Variants in MUC17 observed in about 807,000 individuals in gnomAD.
MUC17 encodes the protein mucin 17, cell surface associated.
Under a neutral mutation model 170.3 loss-of-function variants are expected in MUC17, and 190 were observed. The ratio of observed to expected loss-of-function variants is 1.12; its 90% CI spans 0.99 to 1.26. The LOEUF (loss-of-function observed/expected upper bound fraction) is 1.26. Ranked by LOEUF, MUC17 falls within the 50% of genes most tolerant of loss-of-function variation. The probability of loss-of-function intolerance (pLI) is 0.00; values close to 1 mark genes in which losing one functional copy is unlikely to be tolerated. For missense variants in MUC17, 6,415 were observed against 5,530.0 expected, an observed-to-expected ratio of 1.16 and a Z score of -5.08; for synonymous variants, 2,325 against 2,002.5, an observed-to-expected ratio of 1.16 and a Z score of -4.30.
chr7:101,042,266 C>T lies in MUC17; in HGVS notation c.10850C>T (p.Pro3617Leu), dbSNP rs576550743. The T allele has an allele frequency of 3.1e-6, 5 of 1,614,078 alleles. No individual in the cohort carries two copies. In the South Asian group the frequency reaches 4.4e-5, roughly 14 times the overall value. Reference protein sequence around the residue: ...VTTSTQSNSTPTPPEVITLPM... With the variant: ...VTTSTQSNSTLTPPEVITLPM... ...ACTTCTACTCAGAGCAATTCTACTC[C>T]TACACCTCCTGAAGTTATCACCCTG... The change falls in exon 3 of 13, where the codon CCT becomes CTT. Residue 3617 changes from proline to leucine, a missense_variant. Transcript: ENST00000306151.
rs373676381 is a variant in MUC17 at position 101,033,850 on chromosome 7, C to A, written c.2434C>A (p.Pro812Thr). 31 of 1,613,516 alleles carry A rather than the reference C, an allele frequency of 1.9e-5. No homozygotes were observed. In the Middle Eastern group the frequency reaches 1.3e-3, roughly 68 times the overall value. Residue 812 changes from proline (P) to threonine (T), a missense_variant, in exon 3 of 13, where the codon CCT becomes ACT. Pro to Thr is a conservative substitution (Grantham distance 38, BLOSUM62 -1). Coordinates refer to ENST00000306151, the MANE Select transcript of MUC17 (RefSeq NM_001040105.2). ...SEGSPLLTSI[P>T]VSITPVTSPE... ...AGGAAGTCCTTTATTAACAAGTATA[C>A]CTGTCAGCATCACACCGGTGACCAG...
Position 101,042,231 on chromosome 7 carries a change from A to G in MUC17, c.10815A>G (p.Thr3605=). 2 of 1,614,122 alleles carry G rather than the reference A, an allele frequency of 1.2e-6. No individual in the cohort carries two copies. Among genetic ancestry groups the G allele is most frequent in the Non-Finnish European group, 8.5e-7 (1 of 1,180,006 alleles). The change falls in exon 3 of 13, where the codon ACA becomes ACG. Residue 3605 remains threonine, a synonymous_variant. Transcript: ENST00000306151. ...TPSTPSVDRS[T]PVTTSTQSNS... ...CCACTCCTTCTGTTGACAGAAGCAC[A>G]CCTGTGACCACTTCTACTCAGAGCA...
Position 101,035,341 on chromosome 7 carries a change from G to A in MUC17, c.3925G>A (p.Val1309Met), listed in dbSNP as rs77299546. The A allele has an allele frequency of 0.072, 103,523 of 1,445,922 alleles. No individual in the cohort carries two copies. The highest frequency in any genetic ancestry group is 0.22 in the African/African-American group (14,296 of 65,262). The allele number at this position is 1,445,922 out of a possible 1,614,324, so 89.6% of individuals were successfully genotyped here. A position where few individuals can be genotyped will look rare whatever the true frequency, so the allele number is the denominator to read the frequency against. ...AACTCCTGTTGACACTAAAGGTCCT[G>A]TGGTCACTTCTAATGAAGTCAGTTC... ...LTTPVDTKGP[V>M]VTSNEVSSSP... Residue 1309 changes from valine (V) to methionine (M), a missense_variant, in exon 3 of 13, where the codon GTG becomes ATG. By Grantham distance (21) the Val-to-Met change is conservative. Transcript: ENST00000306151.
rs776056763 is a variant in MUC17, at chr7:101,048,971, A to AG, written c.12663+1dup. 1.2e-5 allele frequency: 20 copies of AG among 1,614,170 alleles called. No individual in the cohort carries two copies. Among genetic ancestry groups the AG allele is most frequent in the Non-Finnish European group, 1.7e-6 (2 of 1,180,000 alleles). On this transcript the variant is annotated frameshift_variant and splice_region_variant, in exon 5 of 13. Transcript: ENST00000306151. LOFTEE classifies it high-confidence loss of function. ...GAGTTCAAACAGACATTCACGGAAC[A>AG]GGTAAGTCTGGGAGAGCAAGGCCCC...
chr7:101,053,935 C>T (rs1795003045), intron 11 of MUC17, among the ~76,000 whole-genome samples: 1 of 150,608 alleles, frequency 6.6e-6, no homozygotes, highest in Admixed American at 6.6e-5. Context: ...TGGCATGCAC[C>T]TGAAGTCCCA....
rs374588011 is a variant in MUC17, at chr7:101,058,087, G to T, written c.*43G>T. 1 of 1,584,204 alleles carries T rather than the reference G, an allele frequency of 6.3e-7. No individual in the cohort carries two copies. Among genetic ancestry groups the T allele is most frequent in the Non-Finnish European group, 8.7e-7 (1 of 1,154,042 alleles). ...TCTGGGAGTGAGGAGATCCCAGTCC[G>T]GCTAAGCTTGGTGGAGCATTTTCCC... On this transcript the variant is annotated 3_prime_UTR_variant, in exon 13 of 13. Coordinates refer to ENST00000306151, the MANE Select transcript of MUC17 (RefSeq NM_001040105.2).
rs1167702169 is a variant in MUC17 at position 101,042,909 on chromosome 7, G to T, written c.11493G>T (p.Glu3831Asp). The change falls in exon 3 of 13, where the codon GAG becomes GAT. Residue 3831 changes from glutamate (E) to aspartate (D), a missense_variant. Glu to Asp is a conservative substitution (Grantham distance 45). Coordinates refer to ENST00000306151, the MANE Select transcript of MUC17 (RefSeq NM_001040105.2). ...CTATATCTGTGATGAGTCCTTCTGAGGCCAGCACACTTTCAACACCTCCTG... is the reference window on the plus strand; with the variant it reads ...CTATATCTGTGATGAGTCCTTCTGATGCCAGCACACTTTCAACACCTCCTG... ...ISPISVMSPS[E>D]ASTLSTPPGD... 1 of 1,613,884 alleles carries T rather than the reference G, an allele frequency of 6.2e-7. No individual in the cohort carries two copies. Among genetic ancestry groups the T allele is most frequent in the East Asian group, 2.2e-5 (1 of 44,886 alleles).
rs191247945 is a variant in MUC17 at position 101,049,499 on chromosome 7, A to T, written c.12722+117A>T. On this transcript the variant is annotated intron_variant, in intron 6 of 12. Coordinates refer to ENST00000306151, the MANE Select transcript of MUC17 (RefSeq NM_001040105.2). Reference sequence around the variant, plus strand: ...TGTGCCCAGGCAGCTATTGCAGAATACCACCGATGGGGCGGCTTAAACAAC... The same window carrying T: ...TGTGCCCAGGCAGCTATTGCAGAATTCCACCGATGGGGCGGCTTAAACAAC... 4 of 1,363,452 alleles carry T rather than the reference A, an allele frequency of 2.9e-6. No individual in the cohort carries two copies. The African/African-American group carries it at 5.9e-5, about 20-fold the overall frequency. 84.5% of individuals were successfully genotyped at this position (1,363,452 alleles called of 1,614,324 possible).
In MUC17 at chr7:101,058,556, C is replaced by T. The variant is rs566312621; in HGVS notation, c.*512C>T. 1 of 152,790 alleles carries T rather than the reference C, an allele frequency of 6.5e-6. No homozygotes were observed. Among genetic ancestry groups the T allele is most frequent in the African/African-American group, 2.4e-5 (1 of 41,572 alleles). The allele number at this position is 152,790 out of a possible 1,614,324, so 9.5% of individuals were successfully genotyped here. A position where few individuals can be genotyped will look rare whatever the true frequency, so the allele number is the denominator to read the frequency against. ...CTTCCAAACAAGCTCAGAGATGTTC[C>T]TCCCCTCATCTGCCCGGGTTCAGTA... On this transcript the variant is annotated 3_prime_UTR_variant, in exon 13 of 13. Transcript: ENST00000306151.
Position 101,026,742 on chromosome 7 carries a change from G to A in MUC17, c.83-4378G>A, listed in dbSNP as rs114097524. 4.3e-3 allele frequency among the ~76,000 whole-genome samples: 658 copies of A among 152,124 alleles called. 5 individuals are homozygous for A. The highest frequency in any genetic ancestry group is 0.015 in the African/African-American group (632 of 41,482). Reference sequence around the variant, plus strand: ...TGGGACTAGAGGTAAGCACCACCACGCCCGATTAATTGTTTTTTAGTAGAG... The same window carrying A: ...TGGGACTAGAGGTAAGCACCACCACACCCGATTAATTGTTTTTTAGTAGAG... On this transcript the variant is annotated intron_variant, in intron 1 of 12. Transcript: ENST00000306151.
At chr7:101,028,152 CACGATCTTGGCTCACTGCA>C in intron 1 of MUC17, among the ~76,000 whole-genome samples, 1 of 147,488 alleles carries the variant, frequency 6.8e-6, no homozygotes, top group East Asian at 2.0e-4. Flanking sequence ...AGTGCAGTGG[CACGATCTTGGCTCACTGCA>C]ACCTCTGCCT....
At position 101,020,103 on chromosome 7, in the gene MUC17, G is replaced by T; in HGVS notation, c.-33G>T. On this transcript the variant is annotated 5_prime_UTR_variant, in exon 1 of 13. Coordinates refer to ENST00000306151, the MANE Select transcript of MUC17 (RefSeq NM_001040105.2). ...GCTCATTTCGCCAGCTCCTCTGGGG[G>T]TGACAGGCAAGTGAGACGTGCTCAG... 1 of 1,557,318 alleles carries T rather than the reference G, an allele frequency of 6.4e-7. No individual in the cohort carries two copies. The highest frequency in any genetic ancestry group is 8.7e-7 in the Non-Finnish European group (1 of 1,149,092).
rs750932564 is a variant in MUC17, at chr7:101,036,641, C to G, written c.5225C>G (p.Ser1742Ter). 1.9e-6 allele frequency: 3 copies of G among 1,613,200 alleles called. No individual in the cohort carries two copies. The highest frequency in any genetic ancestry group is 2.5e-6 in the Non-Finnish European group (3 of 1,179,736). ...TTSEGTSMPN[S>*]TPSEGTTPLT... ...TCTGAAGGTACCAGCATGCCAAACT[C>G]AACTCCTAGTGAAGGAACCACTCCA... Residue 1742 changes from serine to a stop codon, truncating the protein, a stop_gained, in exon 3 of 13, where the codon TCA (serine) becomes TGA (stop). Transcript: ENST00000306151. LOFTEE classifies it high-confidence loss of function.
At chr7:101,026,336 A>G (rs1794178606) in intron 1 of MUC17, among the ~76,000 whole-genome samples, 1 of 152,204 alleles carries the variant, frequency 6.6e-6, no homozygotes, top group Non-Finnish European at 1.5e-5. Context: ...GCTTTGCCAT[A>G]AGGAGGGCTG....
chr7:101,044,054 T>C (rs770768231), intron 3 of MUC17, among the ~76,000 whole-genome samples: 42 of 152,274 alleles, frequency 2.8e-4, no homozygotes, highest in South Asian at 1.5e-3. Flanking sequence ...AGTGTTCTCA[T>C]TGTTCAGTTC....
chr7:101,030,971 A>T (rs183472916), intron 1 of MUC17, 149 bp from the exon 2 acceptor site: 2 of 913,196 alleles, frequency 2.2e-6, no homozygotes, highest in East Asian at 5.7e-5. Flanking sequence ...TTTCTGGGGC[A>T]GGGTCCTGAT....
At position 101,043,642 on chromosome 7, in the gene MUC17, A is replaced by G. The variant is rs74791803; in HGVS notation, c.12226A>G (p.Thr4076Ala). 3.1e-6 allele frequency: 5 copies of G among 1,613,918 alleles called. No homozygotes were observed. In the East Asian group the frequency reaches 1.1e-4, roughly 36 times the overall value. The part of the protein sequence containing the change: ...FPPAHSSTPP[T>A]TSASSTTVNP... ...TCCTGCTCACTCCAGTACACCTCCA[A>G]CAACCTCTGCCTCCTCCACGACTGT... The change falls in exon 3 of 13, where the codon ACA becomes GCA. Residue 4076 changes from threonine to alanine, a missense_variant. By Grantham distance (58) the Thr-to-Ala change is moderately conservative. Transcript: ENST00000306151.
At chr7:101,048,188 C>CT in intron 4 of MUC17, 73 bp downstream of exon 4, 1 of 1,430,708 alleles carries the variant, frequency 7.0e-7, no homozygotes, top group Non-Finnish European at 9.3e-7. Flanking sequence ...CAGTTCCTGC[C>CT]CCACCTTGAT....
At chr7:101,056,495 G>T (rs535427183) in intron 12 of MUC17, among the ~76,000 whole-genome samples, 1 of 152,202 alleles carries the variant, frequency 6.6e-6, no homozygotes, top group African/African-American at 2.4e-5. Flanking sequence ...GAGGCTTCAG[G>T]TTCGGAGGTT....
Sources: gnomAD v4.1 joint callset for allele counts (sites outside exome capture counted in the v4.1 genomes callset) on GRCh38, gnomAD v4.1.1 for gene constraint, MANE v1.5 for transcripts, NCBI Gene and HGNC (gene_info 2026-07-23, HGNC 2026-07-21) for gene names.